The following GLI2 variants were observed in gnomAD, a reference collection of about 807,000 sequenced individuals.
GLI2 encodes transcription activator GLI2.
A neutral mutation model predicts 78.9 loss-of-function variants in GLI2; 22 were observed. That is an observed-to-expected ratio of 0.28 (90% CI 0.20 to 0.40). The LOEUF (loss-of-function observed/expected upper bound fraction) is 0.40, where lower values mean the gene tolerates loss of function less well. Ranked by LOEUF, GLI2 falls within the 10% of genes least tolerant of loss-of-function variation. The pLI, the probability that GLI2 is intolerant of heterozygous loss-of-function variation, is 1.00. For missense variants in GLI2, 2,097 were observed against 2,213.2 expected (o/e 0.95, Z 1.05); for synonymous variants, 974 against 963.7 (o/e 1.01, Z -0.20).
intron 2 of GLI2, among the ~76,000 whole-genome samples, chr2:120,848,910 G>A (rs996407403): frequency 6.6e-6 from 1 of 151,756 alleles, no homozygotes; most frequent in Non-Finnish European, 1.5e-5. Context: ...ACTCTGTCAT[G>A]TATTACTCTA....
chr2:120,859,021 G>C (rs1041428586), intron 2 of GLI2, among the ~76,000 whole-genome samples: 1 of 135,534 alleles, frequency 7.4e-6, no homozygotes, highest in Admixed American at 7.6e-5. Context: ...ACGGTAAAGC[G>C]GGTGCCCCCT....
chr2:120,750,375 T>C (rs555684827), intron 1 of GLI2, among the ~76,000 whole-genome samples: 2 of 152,314 alleles, frequency 1.3e-5, no homozygotes, highest in East Asian at 3.9e-4. Context: ...GGCATGGCCA[T>C]TGGGAAGGGA....
In GLI2 at chr2:120,991,366, TGTAA is replaced by T. The variant is rs1258589026; in HGVS notation, c.*695_*698del. On this transcript the variant is annotated 3_prime_UTR_variant, in exon 14 of 14. Transcript: ENST00000361492. The stretch of plus-strand genomic sequence containing the variant: ...CAAGTATATATGAATGAATAAAGTA[TGTAA>T]GTATCACCAGAAAAAGGAAAGAAAA... The T allele has an allele frequency of 1.3e-5, 2 of 152,666 alleles. No homozygotes were observed. Among genetic ancestry groups the T allele is most frequent in the Non-Finnish European group, 2.9e-5 (2 of 68,104 alleles). The allele number at this position is 152,666 out of a possible 1,614,324, so 9.5% of individuals were successfully genotyped here. A position where few individuals can be genotyped will look rare whatever the true frequency, so the allele number is the denominator to read the frequency against.
chr2:120,877,553 A>G (rs1407218364), intron 2 of GLI2, among the ~76,000 whole-genome samples: 1 of 152,020 alleles, frequency 6.6e-6, no homozygotes, highest in Non-Finnish European at 1.5e-5. Context: ...TTTTGGGACA[A>G]CCATACTTCT....
chr2:120,941,714 T>C (rs79207850), intron 3 of GLI2, among the ~76,000 whole-genome samples: 3,823 of 152,324 alleles, frequency 0.025, 174 homozygotes, highest in African/African-American at 0.088. Flanking sequence ...AAGGTCCCAG[T>C]GTCTCCACTC....
chr2:120,754,638 T>A (rs866581891), intron 1 of GLI2, among the ~76,000 whole-genome samples: 2 of 152,250 alleles, frequency 1.3e-5, no homozygotes, highest in Non-Finnish European at 2.9e-5. Context: ...ATCATACGGA[T>A]ATATCATAAT....
intron 5 of GLI2, among the ~76,000 whole-genome samples, chr2:120,966,832 C>T (rs1258145979): frequency 3.3e-5 from 5 of 152,322 alleles, no homozygotes; most frequent in South Asian, 4.1e-4. Context: ...CCCCTGCCCT[C>T]GGTGCTCCTG....
intron 2 of GLI2, among the ~76,000 whole-genome samples, chr2:120,841,994 A>T (rs187736148): frequency 7.2e-5 from 10 of 139,766 alleles, no homozygotes; most frequent in Admixed American, 2.3e-4. Flanking sequence ...TTTTTTTAAA[A>T]TTTTATTATT....
intron 10 of GLI2, among the ~76,000 whole-genome samples, chr2:120,981,672 G>GGGTGTAC (rs1322863130): frequency 6.6e-6 from 1 of 152,162 alleles, no homozygotes; most frequent in Non-Finnish European, 1.5e-5. Flanking sequence ...AGCTCCTGCC[G>GGGTGTAC]GGTGTACGTG....
chr2:120,860,967 G>A (rs772930900), intron 2 of GLI2, among the ~76,000 whole-genome samples: 31 of 152,342 alleles, frequency 2.0e-4, no homozygotes, highest in Non-Finnish European at 4.1e-4. Context: ...ACAGGAGTGT[G>A]CAATGGTGAT....
chr2:120,772,907 C>T (rs1018711461), intron 1 of GLI2, among the ~76,000 whole-genome samples: 15 of 152,110 alleles, frequency 9.9e-5, no homozygotes, highest in African/African-American at 3.6e-4. Flanking sequence ...TCTTGGGTAC[C>T]CCGCAAGGTC....
chr2:120,756,030 T>C (rs1683025352), intron 1 of GLI2, among the ~76,000 whole-genome samples: 1 of 152,216 alleles, frequency 6.6e-6, no homozygotes, highest in African/African-American at 2.4e-5. Context: ...GTATTCTTTT[T>C]CTTTTTCAGA....
At chr2:120,966,810 G>A (rs1027542095) in intron 5 of GLI2, among the ~76,000 whole-genome samples, 1 of 152,180 alleles carries the variant, frequency 6.6e-6, no homozygotes, top group South Asian at 2.1e-4. Context: ...TCAGAGGCTC[G>A]TAGGCCATCA....
intron 3 of GLI2, among the ~76,000 whole-genome samples, chr2:120,937,642 A>G (rs901994429): frequency 6.6e-6 from 1 of 152,206 alleles, no homozygotes; most frequent in African/African-American, 2.4e-5. Flanking sequence ...CCCTGTTCCA[A>G]TGAGGGGCCT....
intron 2 of GLI2, among the ~76,000 whole-genome samples, chr2:120,820,949 C>T (rs1037363330): frequency 5.3e-5 from 8 of 152,152 alleles, no homozygotes; most frequent in Middle Eastern, 3.4e-3. Flanking sequence ...GGAGGCGTTT[C>T]GAAGGGCTTG....
intron 1 of GLI2, among the ~76,000 whole-genome samples, chr2:120,786,005 T>C (rs1304731375): frequency 2.0e-5 from 3 of 152,180 alleles, no homozygotes; most frequent in Non-Finnish European, 2.9e-5. Context: ...GGTGCCAGAC[T>C]CTGTCATAAG....
intron 2 of GLI2, among the ~76,000 whole-genome samples, chr2:120,923,809 CA>C (rs1679526247): frequency 6.6e-6 from 1 of 152,054 alleles, no homozygotes. Context: ...ACACACGCTA[CA>C]TGTAGACACA....
chr2:120,852,873 G>A (rs189926817), intron 2 of GLI2, among the ~76,000 whole-genome samples: 97 of 152,334 alleles, frequency 6.4e-4, no homozygotes, highest in Non-Finnish European at 6.9e-4. Flanking sequence ...ATGGTTCTGG[G>A]TGTGTGAAGA....
At chr2:120,974,098 G>A (rs1283007845) in intron 8 of GLI2, among the ~76,000 whole-genome samples, 1 of 152,150 alleles carries the variant, frequency 6.6e-6, no homozygotes, top group Admixed American at 6.5e-5. Context: ...GAGAGAGTTT[G>A]AAGTGCGAAG....
Sources: allele counts gnomAD v4.1 joint callset (sites outside exome capture counted in the v4.1 genomes callset), GRCh38; gene constraint gnomAD v4.1.1; transcripts MANE v1.5; gene names NCBI Gene and HGNC (gene_info 2026-07-23, HGNC 2026-07-21).